Variants in CNTN3 observed in about 807,000 individuals in gnomAD.
CNTN3 encodes the protein contactin-3.
Under a neutral mutation model 119.1 loss-of-function variants are expected in CNTN3, and 60 were observed. The observed-to-expected ratio is 0.50, with a 90% CI of 0.41 to 0.62. CNTN3 has a LOEUF of 0.62. Among genes scored for constraint, CNTN3 ranks in the 20% least tolerant of loss-of-function variants. The probability of loss-of-function intolerance (pLI) is 0.00; values close to 1 mark genes in which losing one functional copy is unlikely to be tolerated. For missense variants in CNTN3, 1,101 were observed against 1,242.4 expected, an observed-to-expected ratio of 0.89 and a Z score of 1.71; for synonymous variants, 450 against 438.7, an observed-to-expected ratio of 1.03 and a Z score of -0.32.
At chr3:74,538,961 C>T (rs189649359) in intron 1 of CNTN3, among the ~76,000 whole-genome samples, 49 of 152,084 alleles carry the variant, frequency 3.2e-4, no homozygotes, top group African/African-American at 1.0e-3. Context: ...CTTTCAAAAA[C>T]ATATTAAATG....
intron 1 of CNTN3, among the ~76,000 whole-genome samples, chr3:74,548,731 C>G (rs988752433): frequency 6.6e-6 from 1 of 152,072 alleles, no homozygotes; most frequent in African/African-American, 2.4e-5. Context: ...TATTCAATGA[C>G]CTGCTGTATG....
intron 1 of CNTN3, among the ~76,000 whole-genome samples, chr3:74,585,410 T>A (rs990492066): frequency 1.3e-5 from 2 of 152,178 alleles, no homozygotes; most frequent in African/African-American, 4.8e-5. Flanking sequence ...GCTGAAGGAA[T>A]CTTGGCAAAC....
chr3:74,604,029 T>G (rs1704953525), intron 1 of CNTN3, among the ~76,000 whole-genome samples: 1 of 152,168 alleles, frequency 6.6e-6, no homozygotes, highest in Admixed American at 6.6e-5. Context: ...TACAGTCAAC[T>G]GATTTTGACA....
chr3:74,426,711 C>T (rs895681361), intron 4 of CNTN3, among the ~76,000 whole-genome samples: 1 of 152,158 alleles, frequency 6.6e-6, no homozygotes, highest in Non-Finnish European at 1.5e-5. Flanking sequence ...AGCGTTGTAT[C>T]ACCTTAAATC....
chr3:74,611,059 A>C (rs536131471), intron 1 of CNTN3, among the ~76,000 whole-genome samples: 25 of 152,326 alleles, frequency 1.6e-4, no homozygotes, highest in East Asian at 7.7e-4. Context: ...TTGTTTTAGA[A>C]CATAGGAAAT....
intron 5 of CNTN3, among the ~76,000 whole-genome samples, chr3:74,386,023 C>G (rs1704737500): frequency 6.6e-6 from 1 of 152,092 alleles, no homozygotes; most frequent in Admixed American, 6.6e-5. Flanking sequence ...GAGGAAAGTA[C>G]TATTATCATC....
rs558073338 is a variant in CNTN3 at position 74,612,067 on chromosome 3, T to C, written c.-81+2324A>G. On this transcript the variant is annotated intron_variant, in intron 1 of 22. Transcript: ENST00000263665. ...TCTGACAGTTTGGAAGCAGCAATTA[T>C]ATCTATATACTATTTCAGCATGAAC... 7.6e-4 allele frequency among the ~76,000 whole-genome samples: 116 copies of C among 152,346 alleles called. 1 individual carries two copies. The highest frequency in any genetic ancestry group is 2.7e-3 in the African/African-American group (114 of 41,588).
chr3:74,400,795 AT>A (rs1280871211), intron 5 of CNTN3, among the ~76,000 whole-genome samples: 3 of 152,196 alleles, frequency 2.0e-5, no homozygotes, highest in African/African-American at 7.2e-5. Context: ...TTACAAAGGT[AT>A]TTATATAAAC....
At chr3:74,520,056 C>T (rs1193798366) in intron 2 of CNTN3, among the ~76,000 whole-genome samples, 2 of 151,452 alleles carry the variant, frequency 1.3e-5, no homozygotes, top group Non-Finnish European at 3.0e-5. Context: ...GGCCTCATTC[C>T]GCACTCATTT....
At chr3:74,591,260 T>C (rs943635843) in intron 1 of CNTN3, among the ~76,000 whole-genome samples, 1 of 151,984 alleles carries the variant, frequency 6.6e-6, no homozygotes, top group Non-Finnish European at 1.5e-5. Flanking sequence ...TGTTAGAAAT[T>C]ATTAGTAATA....
intron 3 of CNTN3, among the ~76,000 whole-genome samples, chr3:74,497,699 C>T (rs1703089257): frequency 6.6e-6 from 1 of 151,706 alleles, no homozygotes. Context: ...ATTTATCAAA[C>T]CTAAAACTAA....
chr3:74,409,488 C>T (rs1032768251), intron 5 of CNTN3, among the ~76,000 whole-genome samples: 6 of 151,886 alleles, frequency 4.0e-5, no homozygotes, highest in Non-Finnish European at 8.8e-5. Context: ...CTCAAATAAA[C>T]TCTCTTACAT....
At chr3:74,468,303 T>C (rs1702500021) in intron 4 of CNTN3, among the ~76,000 whole-genome samples, 1 of 152,192 alleles carries the variant, frequency 6.6e-6, no homozygotes, top group Non-Finnish European at 1.5e-5. Context: ...TAGATGCTTC[T>C]TACGGCTGGT....
chr3:74,389,705 G>C (rs758364948), intron 5 of CNTN3, among the ~76,000 whole-genome samples: 2 of 152,058 alleles, frequency 1.3e-5, no homozygotes, highest in Non-Finnish European at 2.9e-5. Context: ...CATAATAAGT[G>C]GGGGAAGCAG....
chr3:74,427,306 C>G (rs1701711213), intron 4 of CNTN3, among the ~76,000 whole-genome samples: 1 of 152,122 alleles, frequency 6.6e-6, no homozygotes, highest in Non-Finnish European at 1.5e-5. Context: ...GTAACCAAGG[C>G]TTTAACAAGC....
chr3:74,551,461 G>A (rs1404529667), intron 1 of CNTN3, among the ~76,000 whole-genome samples: 1 of 151,658 alleles, frequency 6.6e-6, no homozygotes, highest in Non-Finnish European at 1.5e-5. Flanking sequence ...TATAACTGAT[G>A]AGCCTACACT....
chr3:74,484,351 A>G (rs1029657642), intron 4 of CNTN3, among the ~76,000 whole-genome samples: 25 of 152,122 alleles, frequency 1.6e-4, no homozygotes, highest in Non-Finnish European at 2.9e-4. Flanking sequence ...TGTATCTTCA[A>G]AAGAATACAA....
chr3:74,518,685 G>A (rs1023360805), intron 2 of CNTN3, among the ~76,000 whole-genome samples: 1 of 151,890 alleles, frequency 6.6e-6, no homozygotes. Flanking sequence ...GGAAGAACTT[G>A]AAAAGTTTAT....
At chr3:74,589,355 A>G (rs1200900862) in intron 1 of CNTN3, among the ~76,000 whole-genome samples, 2 of 149,512 alleles carry the variant, frequency 1.3e-5, no homozygotes, top group South Asian at 2.1e-4. Flanking sequence ...CACATGAAAA[A>G]ATGCTCATCA....
Sources: gnomAD v4.1 joint callset for allele counts (sites outside exome capture counted in the v4.1 genomes callset) on GRCh38, gnomAD v4.1.1 for gene constraint, MANE v1.5 for transcripts, NCBI Gene and HGNC (gene_info 2026-07-23, HGNC 2026-07-21) for gene names.